HPGDS: variants seen among roughly 807,000 people sequenced by gnomAD.
HPGDS encodes the protein hematopoietic prostaglandin D synthase.
A neutral mutation model predicts 23.1 loss-of-function variants in HPGDS; 26 were observed. The ratio of observed to expected loss-of-function variants is 1.13; its 90% CI spans 0.83 to 1.56. The LOEUF is 1.56. HPGDS is among the 40% of genes most tolerant of loss of function. The probability of loss-of-function intolerance (pLI) is 0.00; values close to 1 mark genes in which losing one functional copy is unlikely to be tolerated. For missense variants in HPGDS, 268 were observed against 236.4 expected (o/e 1.13, Z -0.88); for synonymous variants, 95 against 77.9 (o/e 1.22, Z -1.16).
chr4:94,317,986 T>A (rs1015128513), intron 2 of HPGDS, 21 bp from the exon 3 acceptor site: 9 of 1,397,630 alleles, frequency 6.4e-6, no homozygotes, highest in Non-Finnish European at 8.1e-6. Context: ...AATGAGCAAA[T>A]AATTAACTTC....
chr4:94,341,618 A>G (rs992273452), intron 1 of HPGDS, among the ~76,000 whole-genome samples: 4 of 152,348 alleles, frequency 2.6e-5, no homozygotes, highest in Admixed American at 2.6e-4. Context: ...CACATCAAGA[A>G]TTCAAACATA....
At chr4:94,327,168 A>G (rs979484609) in intron 2 of HPGDS, among the ~76,000 whole-genome samples, 1 of 152,048 alleles carries the variant, frequency 6.6e-6, no homozygotes, top group African/African-American at 2.4e-5. Context: ...TGGGTAAGGC[A>G]GATCCAGCCC....
At position 94,339,381 on chromosome 4, in the gene HPGDS, A is replaced by G. The variant is rs528151943; in HGVS notation, c.-10+3414T>C. On this transcript the variant is annotated intron_variant, in intron 1 of 5. Transcript: ENST00000295256. ...TTTACATCTAAAGATCTTTGCATCT[A>G]AAATTAACCACTGGCTTCCTTACAC... Among the ~76,000 whole-genome samples, 10 of 152,354 alleles carry G rather than the reference A, an allele frequency of 6.6e-5. No homozygotes were observed. The South Asian group carries it at 1.2e-3, about 19-fold the overall frequency.
intron 3 of HPGDS, among the ~76,000 whole-genome samples, chr4:94,315,438 G>A (rs7658602): frequency 1.3e-5 from 2 of 152,050 alleles, no homozygotes; most frequent in East Asian, 1.9e-4. Context: ...TTTTTGTCAG[G>A]AGCATTTGTT....
intron 2 of HPGDS, among the ~76,000 whole-genome samples, chr4:94,330,964 A>G (rs907644605): frequency 6.6e-6 from 1 of 152,206 alleles, no homozygotes; most frequent in Non-Finnish European, 1.5e-5. Context: ...CCTCATGATC[A>G]GAACAAATTT....
At chr4:94,314,174 G>T (rs942912199) in intron 3 of HPGDS, among the ~76,000 whole-genome samples, 1 of 152,198 alleles carries the variant, frequency 6.6e-6, no homozygotes, top group South Asian at 2.1e-4. Flanking sequence ...TTGTTCCATT[G>T]CTGGTGAGGA....
At chr4:94,314,073 C>A (rs934990418) in intron 3 of HPGDS, among the ~76,000 whole-genome samples, 2 of 152,138 alleles carry the variant, frequency 1.3e-5, no homozygotes, top group African/African-American at 4.8e-5. Context: ...ACTCCTTTGC[C>A]ATGGGTTCAA....
chr4:94,334,776 T>A, intron 1 of HPGDS, 138 bp from the exon 2 acceptor site: 2 of 662,608 alleles, frequency 3.0e-6, no homozygotes, highest in Non-Finnish European at 4.8e-6. Context: ...AAAACCAAAA[T>A]TATAAATCAC....
At chr4:94,341,671 C>T (rs958361717) in intron 1 of HPGDS, among the ~76,000 whole-genome samples, 6 of 152,054 alleles carry the variant, frequency 3.9e-5, no homozygotes, top group East Asian at 1.9e-4. Flanking sequence ...TTAGTAATTG[C>T]GCAATAATCT....
chr4:94,318,026 A>AT (rs1467632201), intron 2 of HPGDS, 61 bp from the exon 3 acceptor site: 2 of 873,802 alleles, frequency 2.3e-6, no homozygotes, highest in Non-Finnish European at 3.7e-6. Context: ...TATTACTTCC[A>AT]TTTTTACTGA....
chr4:94,300,998 C>T (rs1756030068), intron 5 of HPGDS, among the ~76,000 whole-genome samples: 1 of 151,936 alleles, frequency 6.6e-6, no homozygotes, highest in Admixed American at 6.6e-5. Context: ...ACAAAGGAAT[C>T]TTAATAGAAA....
chr4:94,310,394 T>C (rs532003810), intron 3 of HPGDS, among the ~76,000 whole-genome samples: 2,346 of 152,290 alleles, frequency 0.015, 64 homozygotes, highest in African/African-American at 0.054. Context: ...GGGAATCCTT[T>C]CCCCATTTCT....
chr4:94,313,852 T>C (rs1483587566), intron 3 of HPGDS, among the ~76,000 whole-genome samples: 1 of 152,204 alleles, frequency 6.6e-6, no homozygotes, highest in Non-Finnish European at 1.5e-5. Flanking sequence ...TATTCTTTTT[T>C]CTCTAAACTT....
rs1560598005 is a variant in HPGDS at position 94,340,311 on chromosome 4, C to CTTTTTCTTTTCTTTTTTTTTT, written c.-10+2483_-10+2484insAAAAAAAAAAGAAAAGAAAAA. ...TTTCTTTCTTTCTTTCTTTCTTTCT[C>CTTTTTCTTTTCTTTTTTTTTT]TTTTTTTTTTTTTTTTTTTTTTTTT... On this transcript the variant is annotated intron_variant, in intron 1 of 5. Transcript: ENST00000295256. Among the ~76,000 whole-genome samples the CTTTTTCTTTTCTTTTTTTTTT allele has an allele frequency of 8.9e-4, 21 of 23,684 alleles. 3 individuals are homozygous for CTTTTTCTTTTCTTTTTTTTTT. Among genetic ancestry groups the CTTTTTCTTTTCTTTTTTTTTT allele is most frequent in the East Asian group, 1.4e-3 (1 of 726 alleles). The allele number at this position is 23,684 out of a possible 152,430, so 15.5% of individuals were successfully genotyped here. A position where few individuals can be genotyped will look rare whatever the true frequency, so the allele number is the denominator to read the frequency against.
chr4:94,340,273 C>CT (rs1721112720), intron 1 of HPGDS, among the ~76,000 whole-genome samples: 1 of 38,512 alleles, frequency 2.6e-5, no homozygotes, highest in Non-Finnish European at 5.5e-5. Flanking sequence ...TTCTTTCTTT[C>CT]TTTCTTTCTT....
At position 94,299,630 on chromosome 4, in the gene HPGDS, G is replaced by A; in HGVS notation, c.450C>T (p.Asp150=). ...TGGTACTGCAAATCTCCCAGTAGAAGTCTGCCCAAGTTACCTAGTTTAAAG... is the reference window on the plus strand; with the variant it reads ...TGGTACTGCAAATCTCCCAGTAGAAATCTGCCCAAGTTACCTAGTTTAAAG... The part of the protein sequence containing the change: ...WLIGNSVTWA[D]FYWEICSTTL... The change falls in exon 6 of 6, where the codon GAC becomes GAT. Residue 150 remains aspartate, a synonymous_variant. Coordinates refer to ENST00000295256, the MANE Select transcript of HPGDS (RefSeq NM_014485.3). The A allele has an allele frequency of 3.7e-6, 6 of 1,613,866 alleles. No homozygotes were observed. Among genetic ancestry groups the A allele is most frequent in the Middle Eastern group, 1.7e-4 (1 of 6,060 alleles).
At chr4:94,309,688 C>T (rs1268272199) in intron 3 of HPGDS, among the ~76,000 whole-genome samples, 2 of 151,760 alleles carry the variant, frequency 1.3e-5, no homozygotes, top group Admixed American at 6.6e-5. Context: ...AGTTCTAGAT[C>T]CCTGAGGAAT....
At chr4:94,324,211 C>T (rs1271220440) in intron 2 of HPGDS, among the ~76,000 whole-genome samples, 1 of 152,102 alleles carries the variant, frequency 6.6e-6, no homozygotes, top group Non-Finnish European at 1.5e-5. Context: ...TTCATTTCAA[C>T]CTTGGTGAAT....
intron 4 of HPGDS, among the ~76,000 whole-genome samples, chr4:94,308,269 G>A (rs958577792): frequency 3.3e-5 from 5 of 151,942 alleles, no homozygotes; most frequent in Non-Finnish European, 5.9e-5. Flanking sequence ...TGGAGTTTGG[G>A]GCATTTTGGA....
Sources: allele counts gnomAD v4.1 joint callset (sites outside exome capture counted in the v4.1 genomes callset), GRCh38; gene constraint gnomAD v4.1.1; transcripts MANE v1.5; gene names NCBI Gene and HGNC (gene_info 2026-07-23, HGNC 2026-07-21).